Variants in EXOC4 observed in about 807,000 individuals in gnomAD.
EXOC4 encodes exocyst complex component 4, also known as SEC8-like 1.
EXOC4 carries 71 observed loss-of-function variants against 107.2 expected under a neutral mutation model. The observed-to-expected ratio is 0.66, with a 90% CI of 0.55 to 0.81. EXOC4 has a LOEUF of 0.81. Among genes scored for constraint, EXOC4 ranks in the 30% least tolerant of loss-of-function variants. EXOC4 has a pLI of 0.00. For synonymous variants in EXOC4, 456 were observed against 441.2 expected (o/e 1.03, Z -0.42); for missense variants, 1,108 against 1,189.6 (o/e 0.93, Z 1.01).
chr7:134,016,886 G>A (rs1794921295), intron 17 of EXOC4, among the ~76,000 whole-genome samples: 1 of 152,178 alleles, frequency 6.6e-6, no homozygotes, highest in African/African-American at 2.4e-5. Flanking sequence ...ACTGCCCACA[G>A]ACAGCCAGAC....
chr7:133,871,194 T>A (rs1798743755), intron 11 of EXOC4, among the ~76,000 whole-genome samples: 2 of 152,138 alleles, frequency 1.3e-5, no homozygotes, highest in Non-Finnish European at 2.9e-5. Context: ...TTATTATACC[T>A]TATTACTGTT....
At chr7:134,097,785 G>GCC in the EXOC4 span, among the ~76,000 whole-genome samples, 1 of 152,150 alleles carries the variant, frequency 6.6e-6, no homozygotes, top group Non-Finnish European at 1.5e-5. Context: ...ACACTAAGGT[G>GCC]TTACAGCTCT....
chr7:134,087,420 TAA>T, the EXOC4 span, among the ~76,000 whole-genome samples: 2 of 152,240 alleles, frequency 1.3e-5, no homozygotes, highest in African/African-American at 4.8e-5. Flanking sequence ...GGAAGATTAA[TAA>T]GTGTTCAATT....
At chr7:133,308,612 G>T (rs941302018) in intron 4 of EXOC4, among the ~76,000 whole-genome samples, 1 of 152,052 alleles carries the variant, frequency 6.6e-6, no homozygotes, top group Admixed American at 6.6e-5. Context: ...TCAGACAGAG[G>T]GGATCAGAAG....
At chr7:133,948,876 A>G (rs1800619943) in intron 14 of EXOC4, among the ~76,000 whole-genome samples, 2 of 152,162 alleles carry the variant, frequency 1.3e-5, no homozygotes, top group African/African-American at 2.4e-5. Context: ...TGGAAAAACA[A>G]CATAATCACC....
At position 133,278,974 on chromosome 7, in the gene EXOC4, C is replaced by G. The variant is rs572943203; in HGVS notation, c.276+3803C>G. On this transcript the variant is annotated intron_variant, in intron 2 of 17. Transcript: ENST00000253861. ...CCTAATGCTATCCCTCCCCACTCCC[C>G]CCACCCCACAACAGTCCCCAGTGTG... 1.8e-4 allele frequency among the ~76,000 whole-genome samples: 27 copies of G among 151,948 alleles called. No individual in the cohort carries two copies. The South Asian group carries it at 3.1e-3, about 18-fold the overall frequency.
At chr7:133,528,813 C>G (rs1248499012) in intron 9 of EXOC4, among the ~76,000 whole-genome samples, 2 of 152,074 alleles carry the variant, frequency 1.3e-5, no homozygotes, top group Admixed American at 6.6e-5. Flanking sequence ...GAAGAAAGAT[C>G]CTGAATGTGC....
At chr7:133,774,475 TA>T (rs1796305372) in intron 10 of EXOC4, among the ~76,000 whole-genome samples, 1 of 152,168 alleles carries the variant, frequency 6.6e-6, no homozygotes, top group Non-Finnish European at 1.5e-5. Context: ...AAGCTTTCAA[TA>T]AATGTTAACT....
chr7:133,734,904 T>C (rs1043311118), intron 10 of EXOC4, among the ~76,000 whole-genome samples: 1 of 151,620 alleles, frequency 6.6e-6, no homozygotes, highest in South Asian at 2.1e-4. Context: ...ACTCACTTCA[T>C]TGTCTGTATA....
At chr7:133,582,366 T>C (rs1801299665) in intron 9 of EXOC4, among the ~76,000 whole-genome samples, 1 of 152,208 alleles carries the variant, frequency 6.6e-6, no homozygotes, top group African/African-American at 2.4e-5. Flanking sequence ...ACATTTTCTT[T>C]ATCCAGTCTA....
At chr7:133,775,966 C>G (rs1796337069) in intron 10 of EXOC4, among the ~76,000 whole-genome samples, 1 of 152,154 alleles carries the variant, frequency 6.6e-6, no homozygotes, top group Non-Finnish European at 1.5e-5. Context: ...TTGCATCTAT[C>G]TTCTTTTTAC....
At position 133,801,427 on chromosome 7, in the gene EXOC4, T is replaced by C. The variant is rs1056948491; in HGVS notation, c.1515-15898T>C. On this transcript the variant is annotated intron_variant, in intron 10 of 17. Transcript: ENST00000253861. The stretch of plus-strand genomic sequence containing the variant: ...GACTAAATGAGGCTCTTCTTCAATA[T>C]AAACGAAAGCCCTTGTGTTTTTCGC... Among the ~76,000 whole-genome samples, 16 of 152,306 alleles carry C rather than the reference T, an allele frequency of 1.1e-4. No individual in the cohort carries two copies. In the East Asian group the frequency reaches 1.7e-3, roughly 17 times the overall value.
intron 11 of EXOC4, among the ~76,000 whole-genome samples, chr7:133,824,355 C>T (rs928338443): frequency 1.4e-4 from 22 of 151,902 alleles, no homozygotes; most frequent in African/African-American, 5.3e-4. Flanking sequence ...TTTCAACCTG[C>T]GTCTTCTTCT....
intron 12 of EXOC4, among the ~76,000 whole-genome samples, chr7:133,896,837 G>GTTTTGTTTTTTTTTTTT (rs1554416770): frequency 1.2e-5 from 1 of 85,678 alleles, no homozygotes; most frequent in Non-Finnish European, 2.1e-5. Flanking sequence ...GGCTATTTTT[G>GTTTTGTTTTTTTTTTTT]TATTTTTAGT....
intron 9 of EXOC4, among the ~76,000 whole-genome samples, chr7:133,558,398 C>T (rs1800744024): frequency 6.6e-6 from 1 of 151,948 alleles, no homozygotes; most frequent in Non-Finnish European, 1.5e-5. Context: ...ACATATGTTG[C>T]TTTATATTCA....
At position 133,674,053 on chromosome 7, in the gene EXOC4, T is replaced by A. The variant is rs551472923; in HGVS notation, c.1514+43912T>A. Among the ~76,000 whole-genome samples, 199 of 152,296 alleles carry A rather than the reference T, an allele frequency of 1.3e-3. 1 individual carries two copies. Among genetic ancestry groups the A allele is most frequent in the African/African-American group, 4.5e-3 (185 of 41,562 alleles). On this transcript the variant is annotated intron_variant, in intron 10 of 17. Coordinates refer to ENST00000253861, the MANE Select transcript of EXOC4 (RefSeq NM_021807.4). ...GTTCAAGGAAGGCAAGGAATTTGTG[T>A]CACTCTCAAACTCTCCAGATTTTAA... is the stretch of plus-strand genomic sequence containing the variant.
intron 7 of EXOC4, among the ~76,000 whole-genome samples, chr7:133,418,186 A>G (rs754387532): frequency 7.2e-5 from 11 of 152,208 alleles, no homozygotes; most frequent in Non-Finnish European, 1.2e-4. Context: ...TATTTAGACT[A>G]TAGGCTACAA....
intron 14 of EXOC4, among the ~76,000 whole-genome samples, chr7:133,970,311 C>A (rs1237796659): frequency 6.6e-6 from 1 of 152,000 alleles, no homozygotes; most frequent in Non-Finnish European, 1.5e-5. Flanking sequence ...TGAGCTAGAC[C>A]ACTTGGCTCC....
At chr7:133,724,445 A>G (rs974146691) in intron 10 of EXOC4, among the ~76,000 whole-genome samples, 1 of 152,208 alleles carries the variant, frequency 6.6e-6, no homozygotes, top group Non-Finnish European at 1.5e-5. Flanking sequence ...CTCAGCACTC[A>G]TTCAACAAAT....
Sources: gnomAD v4.1 joint callset for allele counts (sites outside exome capture counted in the v4.1 genomes callset) on GRCh38, gnomAD v4.1.1 for gene constraint, MANE v1.5 for transcripts, NCBI Gene and HGNC (gene_info 2026-07-23, HGNC 2026-07-21) for gene names.